The following FGF2 variants were observed in gnomAD, a reference collection of about 807,000 sequenced individuals.
FGF2 encodes fibroblast growth factor 2.
In FGF2, 13 loss-of-function variants were observed where a neutral mutation model predicts 15.9. The observed-to-expected ratio is 0.82, with a 90% CI of 0.53 to 1.30. FGF2 has a LOEUF of 1.30. Ranked by LOEUF, FGF2 falls within the 50% of genes most tolerant of loss-of-function variation. FGF2 has a pLI of 0.00. For missense variants in FGF2, 163 were observed against 196.9 expected (o/e 0.83, Z 1.03); for synonymous variants, 90 against 78.4 (o/e 1.15, Z -0.78).
intron 1 of FGF2, among the ~76,000 whole-genome samples, chr4:122,841,233 T>G (rs994208263): frequency 6.6e-6 from 1 of 152,220 alleles, no homozygotes; most frequent in Non-Finnish European, 1.5e-5. Flanking sequence ...CCTCTTTGTT[T>G]AAACATTGTC....
intron 2 of FGF2, among the ~76,000 whole-genome samples, chr4:122,891,072 G>A (rs914167402): frequency 2.2e-5 from 3 of 136,270 alleles, no homozygotes; most frequent in Non-Finnish European, 1.5e-5. Context: ...ACGGAGTCTC[G>A]CTGTGTCTCC....
At chr4:122,847,650 TA>T (rs777869524) in intron 1 of FGF2, among the ~76,000 whole-genome samples, 2,284 of 148,510 alleles carry the variant, frequency 0.015, 61 homozygotes, top group African/African-American at 0.055. Context: ...TCTGTCTATC[TA>T]ATCTATCTAT....
Position 122,861,186 on chromosome 4 carries a change from C to T in FGF2, c.179-15135C>T, listed in dbSNP as rs116184755. On this transcript the variant is annotated intron_variant, in intron 1 of 2. Transcript: ENST00000644866. ...GAAGATCGCAGCCACTTTACATCTC[C>T]CTGTAGGGATTAGGCACAGCCTGCA... Among the ~76,000 whole-genome samples, 294 of 152,266 alleles carry T rather than the reference C, an allele frequency of 1.9e-3. 1 individual carries two copies. The highest frequency in any genetic ancestry group is 3.3e-3 in the Non-Finnish European group (222 of 68,020).
rs370687386 is a variant in FGF2, at chr4:122,827,366, C to T, written c.178+14C>T. 15 of 1,612,420 alleles carry T rather than the reference C, an allele frequency of 9.3e-6. No homozygotes were observed. The highest frequency in any genetic ancestry group is 1.7e-5 in the Admixed American group (1 of 60,000). ...GCGACCCTCACAGTGAGTGCCGACC[C>T]GCTCTCTCCGCCTCATTTCCATTTC... On this transcript the variant is annotated intron_variant, in intron 1 of 2. Coordinates refer to ENST00000644866, the MANE Select transcript of FGF2 (RefSeq NM_001361665.2). This position sits in a 1 kb window ranked among gnomAD's most constrained non-coding sequence, Gnocchi z 4.2.
intron 1 of FGF2, among the ~76,000 whole-genome samples, chr4:122,862,519 A>G (rs1450842323): frequency 6.6e-6 from 1 of 152,218 alleles, no homozygotes; most frequent in Non-Finnish European, 1.5e-5. Flanking sequence ...TGATCTGAAC[A>G]CTTGAACATT....
chr4:122,883,531 T>C (rs1727001274), intron 2 of FGF2, among the ~76,000 whole-genome samples: 1 of 152,214 alleles, frequency 6.6e-6, no homozygotes, highest in South Asian at 2.1e-4. Context: ...CACAACAGAC[T>C]TCTTACTCCA....
At chr4:122,836,636 C>A (rs1725872891) in intron 1 of FGF2, among the ~76,000 whole-genome samples, 1 of 152,176 alleles carries the variant, frequency 6.6e-6, no homozygotes, top group Admixed American at 6.5e-5. Context: ...TCCCAGGGTC[C>A]TTTTGGCTTC....
intron 1 of FGF2, among the ~76,000 whole-genome samples, chr4:122,837,497 A>T (rs992773020): frequency 1.3e-5 from 2 of 152,180 alleles, no homozygotes; most frequent in East Asian, 3.8e-4. Context: ...ATATCTTTTA[A>T]TCCAATACTT....
chr4:122,850,992 A>G (rs1244116103), intron 1 of FGF2, among the ~76,000 whole-genome samples: 1 of 152,184 alleles, frequency 6.6e-6, no homozygotes, highest in Non-Finnish European at 1.5e-5. Context: ...TAGTATAAGA[A>G]GACTTTCTTT....
intron 1 of FGF2, among the ~76,000 whole-genome samples, chr4:122,848,515 A>G (rs1457369853): frequency 2.0e-5 from 3 of 152,128 alleles, no homozygotes; most frequent in African/African-American, 7.2e-5. Flanking sequence ...GCAGTAAACA[A>G]TTGCTGCTGG....
intron 1 of FGF2, among the ~76,000 whole-genome samples, chr4:122,832,084 CAT>C (rs911674937): frequency 5.3e-4 from 81 of 152,210 alleles, no homozygotes; most frequent in African/African-American, 2.0e-3. Flanking sequence ...GGTAATTACA[CAT>C]GTGCTGTAGT....
chr4:122,865,811 G>C (rs796082233), intron 1 of FGF2, among the ~76,000 whole-genome samples: 29 of 152,232 alleles, frequency 1.9e-4, no homozygotes, highest in Middle Eastern at 3.4e-3. Flanking sequence ...TGATCTTTAA[G>C]TGTCATTTTG....
intron 2 of FGF2, among the ~76,000 whole-genome samples, chr4:122,883,835 C>T (rs1335438045): frequency 6.6e-6 from 1 of 152,072 alleles, no homozygotes; most frequent in African/African-American, 2.4e-5. Flanking sequence ...ATGTAATTTG[C>T]ATTGATCCAC....
chr4:122,857,294 C>T (rs1321956759), intron 1 of FGF2, among the ~76,000 whole-genome samples: 1 of 152,182 alleles, frequency 6.6e-6, no homozygotes, highest in Admixed American at 6.5e-5. Context: ...GGAAGGTGTC[C>T]TCTCTACCTG....
chr4:122,862,967 T>G (rs1445330515), intron 1 of FGF2, among the ~76,000 whole-genome samples: 1 of 152,244 alleles, frequency 6.6e-6, no homozygotes, highest in Non-Finnish European at 1.5e-5. Flanking sequence ...TGAGCTGGGT[T>G]AAGTCAGTGT....
chr4:122,858,783 TG>T (rs1329960085), intron 1 of FGF2, among the ~76,000 whole-genome samples: 1 of 152,174 alleles, frequency 6.6e-6, no homozygotes. Flanking sequence ...AGCATTGGAT[TG>T]GATGATGGCT....
intron 2 of FGF2, among the ~76,000 whole-genome samples, chr4:122,891,577 C>A (rs906426579): frequency 6.6e-6 from 1 of 152,048 alleles, no homozygotes; most frequent in Non-Finnish European, 1.5e-5. Context: ...ATATAATGTT[C>A]CAATATTATT....
chr4:122,866,178 G>A (rs538049483), intron 1 of FGF2, among the ~76,000 whole-genome samples: 57 of 152,132 alleles, frequency 3.7e-4, no homozygotes, highest in Non-Finnish European at 7.6e-4. Context: ...GACCATCCTG[G>A]CTAACACATG....
intron 2 of FGF2, among the ~76,000 whole-genome samples, chr4:122,891,342 A>C (rs1727182708): frequency 6.6e-6 from 1 of 151,898 alleles, no homozygotes; most frequent in Admixed American, 6.6e-5. Context: ...GCCCGGCCGA[A>C]CATTTATCTT....
Sources: allele counts gnomAD v4.1 joint callset (sites outside exome capture counted in the v4.1 genomes callset), GRCh38; gene constraint gnomAD v4.1.1; non-coding constraint Gnocchi (gnomAD v3.1); transcripts MANE v1.5; gene names NCBI Gene and HGNC (gene_info 2026-07-23, HGNC 2026-07-21).